FOCAD: variants seen among roughly 807,000 people sequenced by gnomAD.
The protein encoded by FOCAD is focadhesin.
FOCAD carries 198 observed loss-of-function variants against 225.6 expected under a neutral mutation model. That is an observed-to-expected ratio of 0.88 (90% CI 0.78 to 0.99). FOCAD has a LOEUF of 0.99. Ranked by LOEUF, FOCAD falls within the 50% of genes least tolerant of loss-of-function variation. FOCAD has a pLI of 0.00. For missense variants in FOCAD, 2,713 were observed against 2,123.6 expected (o/e 1.28, Z -5.46); for synonymous variants, 897 against 755.0 (o/e 1.19, Z -3.08).
intron 8 of FOCAD, among the ~76,000 whole-genome samples, chr9:20,776,695 A>G (rs1023785261): frequency 6.6e-6 from 1 of 151,960 alleles, no homozygotes; most frequent in South Asian, 2.1e-4. Context: ...CCATTTCAGA[A>G]CTCTAAAAAG....
chr9:20,764,733 A>G (rs1469326610), intron 6 of FOCAD, 136 bp from the exon 7 acceptor site: 2 of 706,640 alleles, frequency 2.8e-6, no homozygotes, highest in South Asian at 1.8e-5. Context: ...GCGGAATAGA[A>G]GAATCATAAA....
rs1022782055 is a variant in FOCAD at position 20,995,909 on chromosome 9, T to C, written c.*280T>C. 6 of 222,906 alleles carry C rather than the reference T, an allele frequency of 2.7e-5. No individual in the cohort carries two copies. The highest frequency in any genetic ancestry group is 4.6e-5 in the African/African-American group (2 of 43,716). 13.8% of individuals were successfully genotyped at this position (222,906 alleles called of 1,614,324 possible). On this transcript the variant is annotated 3_prime_UTR_variant, in exon 44 of 44. Transcript: ENST00000338382. ...TTTTCTTTGTGAAAGCTTGAAGATATTATCTTCTCCCTGCTAAATTCCAGT... is the reference window on the plus strand; with the variant it reads ...TTTTCTTTGTGAAAGCTTGAAGATACTATCTTCTCCCTGCTAAATTCCAGT...
chr9:20,687,095 G>A (rs1186040042), intron 1 of FOCAD, among the ~76,000 whole-genome samples: 1 of 151,538 alleles, frequency 6.6e-6, no homozygotes, highest in Non-Finnish European at 1.5e-5. Context: ...ATTAGTCTGA[G>A]TTACTTTAGT....
At chr9:20,669,400 T>C (rs900152245) in intron 2 of FOCAD, among the ~76,000 whole-genome samples, 1 of 152,154 alleles carries the variant, frequency 6.6e-6, no homozygotes, top group Non-Finnish European at 1.5e-5. Flanking sequence ...TATTCTAAAA[T>C]AATTCAGGAT....
chr9:20,793,519 C>T (rs1240731635), intron 11 of FOCAD, among the ~76,000 whole-genome samples: 1 of 152,122 alleles, frequency 6.6e-6, no homozygotes, highest in Non-Finnish European at 1.5e-5. Context: ...TGATGGTTCT[C>T]ATTGAAGGAA....
rs1203089570 is a variant in FOCAD at position 20,700,705 on chromosome 9, CTTAA to C, written c.-32-14611_-32-14608del. 5.9e-5 allele frequency among the ~76,000 whole-genome samples: 9 copies of C among 152,188 alleles called. No individual in the cohort carries two copies. The South Asian group carries it at 1.0e-3, about 18-fold the overall frequency. On this transcript the variant is annotated intron_variant, in intron 1 of 43. Coordinates refer to ENST00000338382, the MANE Select transcript of FOCAD (RefSeq NM_001375567.1). ...TTATTTTGGTCTTTGTTTCATGAGT[CTTAA>C]TTAATGAAAAAGATATAGATTCCTC...
chr9:20,815,123 G>GTGTTGTTTTTTTTTTT (rs1564024181), intron 11 of FOCAD, among the ~76,000 whole-genome samples: 1 of 85,396 alleles, frequency 1.2e-5, no homozygotes, highest in Non-Finnish European at 2.2e-5. Context: ...ACTTCTCTTT[G>GTGTTGTTTTTTTTTTT]TTTTTTTTTT....
intron 11 of FOCAD, among the ~76,000 whole-genome samples, chr9:20,808,959 A>G (rs1477939164): frequency 2.0e-5 from 3 of 152,236 alleles, no homozygotes; most frequent in Non-Finnish European, 2.9e-5. Flanking sequence ...TATCCAAGCA[A>G]TGAAATAGTA....
At chr9:20,907,958 G>A (rs1472120052) in intron 22 of FOCAD, among the ~76,000 whole-genome samples, 1 of 152,064 alleles carries the variant, frequency 6.6e-6, no homozygotes, top group African/African-American at 2.4e-5. Flanking sequence ...AAGGACAGGA[G>A]CTCTGTTGTC....
chr9:20,907,134 T>C lies in FOCAD; in HGVS notation c.2626-16T>C, dbSNP rs758655124. 1.6e-5 allele frequency: 25 copies of C among 1,595,442 alleles called. No homozygotes were observed. Among genetic ancestry groups the C allele is most frequent in the Non-Finnish European group, 1.9e-5 (22 of 1,163,864 alleles). On this transcript the variant is annotated splice_polypyrimidine_tract_variant and intron_variant, in intron 21 of 43. Coordinates refer to ENST00000338382, the MANE Select transcript of FOCAD (RefSeq NM_001375567.1). ...TACTGTGTAGCCTAATATGTTGTGG[T>C]ACATTTTTCCCATAGGTTCATATCC... is the stretch of plus-strand genomic sequence containing the variant.
chr9:20,805,594 C>G (rs965554492), intron 11 of FOCAD, among the ~76,000 whole-genome samples: 3 of 152,028 alleles, frequency 2.0e-5, no homozygotes, highest in Non-Finnish European at 2.9e-5. Context: ...GCATCTTTCC[C>G]CCATTTCTTC....
At chr9:20,656,348 C>T (rs527799923), upstream of FOCAD, among the ~76,000 whole-genome samples, 389 of 151,768 alleles carry the variant, frequency 2.6e-3, 3 homozygotes, top group African/African-American at 8.6e-3. Context: ...CTTTCTGTCT[C>T]GTTGATCTGT....
chr9:20,927,671 G>A (rs1835085850), intron 26 of FOCAD: 1 of 152,068 alleles, frequency 6.6e-6, no homozygotes, highest in South Asian at 2.1e-4. Flanking sequence ...CTGTGTCTTT[G>A]TAGAAGTATT....
chr9:20,897,967 G>T (rs894770434), intron 21 of FOCAD, among the ~76,000 whole-genome samples: 6 of 151,670 alleles, frequency 4.0e-5, no homozygotes, highest in Non-Finnish European at 7.4e-5. Context: ...TCTGAGCAAG[G>T]CTTTATTTCT....
At chr9:20,741,805 C>T (rs1375026992) in intron 5 of FOCAD, among the ~76,000 whole-genome samples, 5 of 147,064 alleles carry the variant, frequency 3.4e-5, no homozygotes, top group African/African-American at 1.2e-4. Context: ...TCTGAATAAA[C>T]ATCTGCATTT....
At chr9:20,787,629 T>C (rs1403511043) in intron 10 of FOCAD, among the ~76,000 whole-genome samples, 1 of 152,226 alleles carries the variant, frequency 6.6e-6, no homozygotes, top group Non-Finnish European at 1.5e-5. Flanking sequence ...TATATTCAAA[T>C]GGTTCAGACA....
intron 15 of FOCAD, among the ~76,000 whole-genome samples, chr9:20,852,494 A>G (rs990257387): frequency 2.0e-5 from 3 of 151,652 alleles, no homozygotes; most frequent in Non-Finnish European, 4.4e-5. Context: ...GGATAGAAGA[A>G]TCATTTTCAT....
intron 15 of FOCAD, among the ~76,000 whole-genome samples, chr9:20,830,396 G>A (rs1322698237): frequency 6.6e-6 from 1 of 152,030 alleles, no homozygotes; most frequent in Admixed American, 6.6e-5. Context: ...CATTTCCAAA[G>A]ATGTTAGGTT....
intron 4 of FOCAD, among the ~76,000 whole-genome samples, chr9:20,729,387 A>G (rs186059740): frequency 6.6e-4 from 100 of 152,328 alleles, no homozygotes; most frequent in Non-Finnish European, 1.2e-3. Flanking sequence ...TCTCCAATAC[A>G]GTATCCCTGT....
Sources: allele counts gnomAD v4.1 joint callset (sites outside exome capture counted in the v4.1 genomes callset), GRCh38; gene constraint gnomAD v4.1.1; transcripts MANE v1.5; gene names NCBI Gene and HGNC (gene_info 2026-07-23, HGNC 2026-07-21).